Variants in ICA1 observed in about 807,000 individuals in gnomAD.
ICA1 encodes the protein islet cell autoantigen 1, also known as 69 kDa islet cell autoantigen.
ICA1 carries 40 observed loss-of-function variants against 71.0 expected under a neutral mutation model. The observed-to-expected ratio is 0.56, with a 90% CI of 0.44 to 0.73. ICA1 has a LOEUF of 0.73. Ranked by LOEUF, ICA1 falls within the 30% of genes least tolerant of loss-of-function variation. The pLI is 0.00. For missense variants in ICA1, 578 were observed against 576.5 expected (o/e 1.00, Z -0.03); for synonymous variants, 207 against 209.5 (o/e 0.99, Z 0.10).
At chr7:8,237,713 T>C (rs577715153) in intron 1 of ICA1, among the ~76,000 whole-genome samples, 1 of 152,166 alleles carries the variant, frequency 6.6e-6, no homozygotes, top group South Asian at 2.1e-4. Flanking sequence ...GATTGGCTTA[T>C]TTCACTTAGC....
At chr7:8,125,196 G>A (rs1788707346) in intron 13 of ICA1, among the ~76,000 whole-genome samples, 1 of 152,138 alleles carries the variant, frequency 6.6e-6, no homozygotes, top group Non-Finnish European at 1.5e-5. Flanking sequence ...TTTCTCTTTG[G>A]CTCAAGATCC....
chr7:8,222,771 T>C lies in ICA1; in HGVS notation c.257-1373A>G, dbSNP rs552129332. On this transcript the variant is annotated intron_variant, in intron 4 of 13. Coordinates refer to ENST00000402384, the MANE Select transcript of ICA1 (RefSeq NM_001136020.3). The surrounding 1 kb of genome is among the most constrained non-coding windows in gnomAD (Gnocchi z 4.8). ...TCACCATCAAAGGCCTGCTCGCAGG[T>C]TCCTTTCTCTGTGAAGCAATTGATC... 2.6e-5 allele frequency among the ~76,000 whole-genome samples: 4 copies of C among 152,248 alleles called. 1 individual carries two copies. The highest frequency in any genetic ancestry group is 7.2e-5 in the African/African-American group (3 of 41,552).
chr7:8,151,511 G>C (rs910230231), intron 8 of ICA1, among the ~76,000 whole-genome samples: 1 of 152,224 alleles, frequency 6.6e-6, no homozygotes, highest in Non-Finnish European at 1.5e-5. Context: ...GCTGTGTAAA[G>C]TAATGACAAT....
intron 12 of ICA1, among the ~76,000 whole-genome samples, chr7:8,131,591 C>T (rs1203894702): frequency 6.6e-6 from 1 of 152,182 alleles, no homozygotes; most frequent in Non-Finnish European, 1.5e-5. Context: ...GAACTTACTA[C>T]TTAGCTAAAA....
intron 13 of ICA1, among the ~76,000 whole-genome samples, chr7:8,114,471 T>C (rs891080635): frequency 3.9e-5 from 6 of 152,106 alleles, no homozygotes; most frequent in Admixed American, 2.6e-4. Context: ...TCAGGAGAAA[T>C]ATTATGGCCA....
At chr7:8,122,019 A>T (rs1366556433) in intron 13 of ICA1, among the ~76,000 whole-genome samples, 1 of 151,932 alleles carries the variant, frequency 6.6e-6, no homozygotes, top group Admixed American at 6.6e-5. Flanking sequence ...GGGAGGGGGG[A>T]CTCAAGGAAG....
intron 7 of ICA1, chr7:8,157,418 A>G: frequency 1.8e-6 from 1 of 550,724 alleles, no homozygotes; most frequent in East Asian, 3.1e-5. Flanking sequence ...GCTGCCTCCC[A>G]GAACTCATGC....
At chr7:8,168,674 A>C (rs1807082998) in intron 6 of ICA1, among the ~76,000 whole-genome samples, 1 of 152,184 alleles carries the variant, frequency 6.6e-6, no homozygotes, top group African/African-American at 2.4e-5. Flanking sequence ...AATCTTGCTA[A>C]GTTTCTTTAG....
At chr7:8,205,290 A>C (rs887924357) in intron 6 of ICA1, among the ~76,000 whole-genome samples, 1 of 152,208 alleles carries the variant, frequency 6.6e-6, no homozygotes, top group African/African-American at 2.4e-5. Context: ...AGATATGCAG[A>C]TCTTTAAAAT....
At chr7:8,166,080 G>A (rs1021509647) in intron 6 of ICA1, among the ~76,000 whole-genome samples, 1 of 152,092 alleles carries the variant, frequency 6.6e-6, no homozygotes, top group Non-Finnish European at 1.5e-5. Flanking sequence ...TAAGCAAAAC[G>A]AACAAAGCAG....
At chr7:8,177,141 A>T (rs1780867909) in intron 6 of ICA1, among the ~76,000 whole-genome samples, 1 of 152,180 alleles carries the variant, frequency 6.6e-6, no homozygotes, top group Admixed American at 6.5e-5. Context: ...ATTACCCACT[A>T]TGTAATTACA....
intron 1 of ICA1, among the ~76,000 whole-genome samples, chr7:8,241,861 G>GTT (rs559983859): frequency 8.9e-4 from 135 of 152,304 alleles, no homozygotes; most frequent in African/African-American, 3.1e-3. Context: ...GACAAGAAGA[G>GTT]TTAACTATCC....
chr7:8,115,795 G>A (rs553970106), intron 13 of ICA1, among the ~76,000 whole-genome samples: 14 of 152,342 alleles, frequency 9.2e-5, no homozygotes, highest in Non-Finnish European at 1.5e-4. Flanking sequence ...TCCCTTGGGG[G>A]ACCTGTCCCA....
At position 8,226,454 on chromosome 7, in the gene ICA1, G is replaced by A. The variant is rs1431362689; in HGVS notation, c.256+2147C>T. ...CATTTATATTTTATATCACCTTCTTGCTTGCATGAAGGATAGCATACTATA... is the reference window on the plus strand; with the variant it reads ...CATTTATATTTTATATCACCTTCTTACTTGCATGAAGGATAGCATACTATA... On this transcript the variant is annotated intron_variant, in intron 4 of 13. Coordinates refer to ENST00000402384, the MANE Select transcript of ICA1 (RefSeq NM_001136020.3). The surrounding 1 kb of genome is among the most constrained non-coding windows in gnomAD (Gnocchi z 4.4). Among the ~76,000 whole-genome samples the A allele has an allele frequency of 6.6e-6, 1 of 151,986 alleles. No individual in the cohort carries two copies. Among genetic ancestry groups the A allele is most frequent in the Non-Finnish European group, 1.5e-5 (1 of 68,014 alleles).
intron 2 of ICA1, among the ~76,000 whole-genome samples, chr7:8,235,628 C>G (rs560258135): frequency 2.0e-5 from 3 of 152,052 alleles, no homozygotes; most frequent in African/African-American, 7.2e-5. Context: ...TTACATTAGA[C>G]AAAATGGTGG....
Position 8,158,410 on chromosome 7 carries a change from G to C in ICA1, c.705+117C>G, listed in dbSNP as rs1040819407. 6 of 1,274,156 alleles carry C rather than the reference G, an allele frequency of 4.7e-6. No homozygotes were observed. In the African/African-American group the frequency reaches 9.0e-5, roughly 19 times the overall value. 78.9% of individuals were successfully genotyped at this position (1,274,156 alleles called of 1,614,324 possible). ...GCAGAGATGTGGGAAGTGAAATTAC[G>C]GAAAGGCATTCAGAACTTCACAATG... is the stretch of plus-strand genomic sequence containing the variant. On this transcript the variant is annotated intron_variant, in intron 7 of 13. Coordinates refer to ENST00000402384, the MANE Select transcript of ICA1 (RefSeq NM_001136020.3).
At chr7:8,124,930 A>G (rs978099260) in intron 13 of ICA1, among the ~76,000 whole-genome samples, 1 of 152,060 alleles carries the variant, frequency 6.6e-6, no homozygotes, top group Non-Finnish European at 1.5e-5. Flanking sequence ...CTGGACCTAC[A>G]GGTGCACACC....
At position 8,222,107 on chromosome 7, in the gene ICA1, T is replaced by A. The variant is rs776079529; in HGVS notation, c.257-709A>T. On this transcript the variant is annotated intron_variant, in intron 4 of 13. Coordinates refer to ENST00000402384, the MANE Select transcript of ICA1 (RefSeq NM_001136020.3). The surrounding 1 kb of genome is among the most constrained non-coding windows in gnomAD (Gnocchi z 4.8). ...TTAAAAAATCATAGAATTACATGTATCTTTGGACTCTCCATGTCTACTGTT... is the reference window on the plus strand; with the variant it reads ...TTAAAAAATCATAGAATTACATGTAACTTTGGACTCTCCATGTCTACTGTT... Among the ~76,000 whole-genome samples, 14 of 152,300 alleles carry A rather than the reference T, an allele frequency of 9.2e-5. No homozygotes were observed. Among genetic ancestry groups the A allele is most frequent in the Non-Finnish European group, 1.5e-4 (10 of 68,026 alleles).
At chr7:8,127,099 G>A (rs1309397114) in intron 13 of ICA1, among the ~76,000 whole-genome samples, 2 of 151,566 alleles carry the variant, frequency 1.3e-5, no homozygotes, top group African/African-American at 4.9e-5. Context: ...TCAGCCTCCT[G>A]AGTAACTAGG....
Sources: allele counts gnomAD v4.1 joint callset (sites outside exome capture counted in the v4.1 genomes callset), GRCh38; gene constraint gnomAD v4.1.1; non-coding constraint Gnocchi (gnomAD v3.1); transcripts MANE v1.5; gene names NCBI Gene and HGNC (gene_info 2026-07-23, HGNC 2026-07-21).